RIMS1: variants seen among roughly 807,000 people sequenced by gnomAD.
RIMS1 encodes the protein regulating synaptic membrane exocytosis protein 1.
In RIMS1, 83 loss-of-function variants were observed where a neutral mutation model predicts 214.1. The ratio of observed to expected loss-of-function variants is 0.39; its 90% CI spans 0.32 to 0.47. The LOEUF (loss-of-function observed/expected upper bound fraction) is 0.47. Among genes scored for constraint, RIMS1 ranks in the 20% least tolerant of loss-of-function variants. The pLI is 0.99. For missense variants in RIMS1, 2,050 were observed against 2,161.8 expected (o/e 0.95, Z 1.03); for synonymous variants, 793 against 786.8 (o/e 1.01, Z -0.13).
rs557475576 is a variant in RIMS1 at position 72,313,487 on chromosome 6, T to C, written c.3964-19T>C. 3.1e-6 allele frequency: 5 copies of C among 1,608,574 alleles called. No individual in the cohort carries two copies. The highest frequency in any genetic ancestry group is 4.5e-5 in the East Asian group (2 of 44,808). ...TTGTCTAATGATGGAGCTCACACTT[T>C]CTTGTTTTTAATCTTTAGTATAACA... On this transcript the variant is annotated intron_variant, in intron 27 of 33. Transcript: ENST00000521978.
intron 26 of RIMS1, among the ~76,000 whole-genome samples, chr6:72,303,163 A>G (rs1389851931): frequency 2.6e-5 from 4 of 151,104 alleles, no homozygotes; most frequent in African/African-American, 9.7e-5. Context: ...AATATGTGAT[A>G]AGTCAAAGAG....
intron 2 of RIMS1, among the ~76,000 whole-genome samples, chr6:72,038,986 C>A (rs1820686050): frequency 1.3e-5 from 2 of 152,008 alleles, no homozygotes; most frequent in African/African-American, 4.8e-5. Flanking sequence ...AAAAATATTT[C>A]TTTTAATTAG....
chr6:72,095,786 A>T (rs1475297227), intron 2 of RIMS1, among the ~76,000 whole-genome samples: 5 of 152,222 alleles, frequency 3.3e-5, no homozygotes, highest in Non-Finnish European at 7.3e-5. Context: ...TTAGATTGAG[A>T]ACATCAAACT....
chr6:72,297,748 A>AG (rs1367666464), intron 26 of RIMS1, among the ~76,000 whole-genome samples: 1 of 152,040 alleles, frequency 6.6e-6, no homozygotes, highest in African/African-American at 2.4e-5. Context: ...GCCTCTCCTT[A>AG]GGGATTTAAG....
chr6:72,006,953 G>T (rs562023251), intron 2 of RIMS1, among the ~76,000 whole-genome samples: 2 of 152,216 alleles, frequency 1.3e-5, no homozygotes, highest in African/African-American at 4.8e-5. Flanking sequence ...AAATGTCCCT[G>T]TCTGACAGCT....
intron 6 of RIMS1, among the ~76,000 whole-genome samples, chr6:72,230,902 G>A (rs528615586): frequency 5.9e-5 from 9 of 151,502 alleles, no homozygotes; most frequent in African/African-American, 1.4e-4. Flanking sequence ...AGCAGCTGAC[G>A]TATTTCCTGA....
At position 72,070,225 on chromosome 6, in the gene RIMS1, C is replaced by A. The variant is rs943280769; in HGVS notation, c.246-26724C>A. ...TCTTGGATCATTTAATAAAAGAGGT[C>A]ATTTGAAATGTGTCGTTTAAAAATA... On this transcript the variant is annotated intron_variant, in intron 2 of 33. Coordinates refer to ENST00000521978, the MANE Select transcript of RIMS1 (RefSeq NM_014989.7). 3.9e-5 allele frequency among the ~76,000 whole-genome samples: 6 copies of A among 152,004 alleles called. No homozygotes were observed. In the East Asian group the frequency reaches 1.2e-3, roughly 29 times the overall value.
At chr6:72,100,895 ATGC>A (rs2033396255) in intron 4 of RIMS1, among the ~76,000 whole-genome samples, 1 of 152,038 alleles carries the variant, frequency 6.6e-6, no homozygotes, top group Non-Finnish European at 1.5e-5. Flanking sequence ...ACGCTAGGAT[ATGC>A]TTATTGATTT....
chr6:72,245,591 G>T (rs901580584), intron 10 of RIMS1, among the ~76,000 whole-genome samples: 2 of 152,042 alleles, frequency 1.3e-5, no homozygotes, highest in Non-Finnish European at 2.9e-5. Flanking sequence ...TTGTTGTCAT[G>T]TTAAAGTTTT....
intron 27 of RIMS1, among the ~76,000 whole-genome samples, chr6:72,313,204 A>G (rs1040292943): frequency 6.6e-6 from 1 of 152,200 alleles, no homozygotes; most frequent in African/African-American, 2.4e-5. Context: ...TAGAAAAAAA[A>G]TGAATAATAC....
At chr6:71,915,075 G>A (rs1224515997) in intron 1 of RIMS1, among the ~76,000 whole-genome samples, 1 of 151,920 alleles carries the variant, frequency 6.6e-6, no homozygotes, top group Non-Finnish European at 1.5e-5. Context: ...TTTCCACATG[G>A]CGAAAGTATC....
intron 4 of RIMS1, among the ~76,000 whole-genome samples, chr6:72,100,251 C>T (rs2033210046): frequency 6.6e-6 from 1 of 151,950 alleles, no homozygotes; most frequent in Non-Finnish European, 1.5e-5. Context: ...CATTTATCTG[C>T]TTGACTCTGA....
intron 1 of RIMS1, among the ~76,000 whole-genome samples, chr6:71,965,217 A>G (rs2151298581): frequency 6.6e-6 from 1 of 152,320 alleles, no homozygotes; most frequent in East Asian, 1.9e-4. Context: ...CTTCCTGCAC[A>G]GTAACTAGTT....
chr6:72,293,347 G>A (rs1023031497), intron 26 of RIMS1, among the ~76,000 whole-genome samples: 2 of 151,786 alleles, frequency 1.3e-5, no homozygotes, highest in Non-Finnish European at 3.0e-5. Flanking sequence ...TCATTGACAT[G>A]TTTAACATTT....
rs575007974 is a variant in RIMS1 at position 72,039,013 on chromosome 6, AAAATT to A, written c.246-57932_246-57928del. Reference sequence around the variant, plus strand: ...TTTAATTAGCAGTGATAATCTGAAAAAAATTAAAATAGGATTTCACTGACAATTCA... The same window carrying A: ...TTTAATTAGCAGTGATAATCTGAAAAAAAATAGGATTTCACTGACAATTCA... On this transcript the variant is annotated intron_variant, in intron 2 of 33. Transcript: ENST00000521978. Among the ~76,000 whole-genome samples the A allele has an allele frequency of 2.8e-3, 422 of 152,298 alleles. 2 individuals carry two copies. The highest frequency in any genetic ancestry group is 9.1e-3 in the African/African-American group (378 of 41,570).
At chr6:72,128,142 G>T (rs2039886183) in intron 4 of RIMS1, among the ~76,000 whole-genome samples, 2 of 152,144 alleles carry the variant, frequency 1.3e-5, no homozygotes, top group South Asian at 4.1e-4. Flanking sequence ...CTAGAGAGGG[G>T]CGCTATCTTC....
chr6:72,369,507 A>G (rs1213292867), intron 29 of RIMS1, among the ~76,000 whole-genome samples: 1 of 152,206 alleles, frequency 6.6e-6, no homozygotes, highest in African/African-American at 2.4e-5. Context: ...AGAGAAGGGT[A>G]CACTAGAGCT....
At chr6:72,334,997 A>G (rs1006865381) in intron 29 of RIMS1, among the ~76,000 whole-genome samples, 5 of 151,546 alleles carry the variant, frequency 3.3e-5, no homozygotes, top group African/African-American at 1.2e-4. Flanking sequence ...GGCATTTTTC[A>G]TTTGTGTTGT....
intron 2 of RIMS1, among the ~76,000 whole-genome samples, chr6:72,060,392 G>A (rs985954983): frequency 6.6e-6 from 1 of 152,138 alleles, no homozygotes; most frequent in African/African-American, 2.4e-5. Context: ...CTGCATTACA[G>A]TAAGTGTGCC....
Sources: allele counts gnomAD v4.1 joint callset (sites outside exome capture counted in the v4.1 genomes callset), GRCh38; gene constraint gnomAD v4.1.1; transcripts MANE v1.5; gene names NCBI Gene and HGNC (gene_info 2026-07-23, HGNC 2026-07-21).